The following KLHL4 variants were observed in gnomAD, a reference collection of about 807,000 sequenced individuals.
The protein encoded by KLHL4 is kelch like family member 4.
Under a neutral mutation model 45.8 loss-of-function variants are expected in KLHL4, and 17 were observed. The observed-to-expected ratio is 0.37, with a 90% confidence interval of 0.25 to 0.56. KLHL4 has a LOEUF of 0.56. Among genes scored for constraint, KLHL4 ranks in the 20% least tolerant of loss-of-function variants. The pLI, the probability that KLHL4 is intolerant of heterozygous loss-of-function variation, is 0.79. For synonymous variants in KLHL4, 224 were observed against 189.9 expected (o/e 1.18, Z -1.47); for missense variants, 544 against 544.9 (o/e 1.00, Z 0.02).
At chrX:87,586,512 A>G (rs1034605216) in intron 1 of KLHL4, among the ~76,000 whole-genome samples, 5 of 111,538 alleles carry the variant, frequency 4.5e-5, no homozygotes, top group Non-Finnish European at 7.6e-5. Flanking sequence ...ATTAAACAAT[A>G]TGTCCCTGAA....
At chrX:87,624,506 T>C (rs1014315261) in intron 5 of KLHL4, among the ~76,000 whole-genome samples, 6 of 111,612 alleles carry the variant, frequency 5.4e-5, no homozygotes, top group Admixed American at 1.9e-4. Flanking sequence ...ATCCATCAGA[T>C]ATCACAGGTG....
chrX:87,611,984 A>G lies in KLHL4; in HGVS notation c.423-1893A>G, dbSNP rs151104570. Among the ~76,000 whole-genome samples, 49 of 112,246 alleles carry G rather than the reference A, an allele frequency of 4.4e-4. No individual in the cohort carries two copies. In the Admixed American group the frequency reaches 4.6e-3, roughly 10 times the overall value. On this transcript the variant is annotated intron_variant, in intron 1 of 10. Transcript: ENST00000373119. ...AAAAATAGAAAAAAGCTTTTAGAAT[A>G]AGGATATAAGAAAATGTTTTTTACA...
intron 9 of KLHL4, among the ~76,000 whole-genome samples, chrX:87,644,675 C>CA (rs1923572546): frequency 8.9e-6 from 1 of 111,762 alleles, no homozygotes; most frequent in South Asian, 3.7e-4. Context: ...CCATAGTCAC[C>CA]AAAACATCAT....
intron 1 of KLHL4, among the ~76,000 whole-genome samples, chrX:87,602,187 A>G (rs1922040922): frequency 9.0e-6 from 1 of 111,693 alleles, no homozygotes; most frequent in Non-Finnish European, 1.9e-5. Context: ...CATAAAAATT[A>G]TCTTTCTTCA....
chrX:87,655,618 G>C (rs552486471), intron 9 of KLHL4, among the ~76,000 whole-genome samples: 2 of 110,347 alleles, frequency 1.8e-5, no homozygotes, highest in African/African-American at 6.6e-5. Context: ...GTGTATGGTC[G>C]GATCCTTTTT....
chrX:87,601,845 A>T (rs930517378), intron 1 of KLHL4, among the ~76,000 whole-genome samples: 1 of 111,129 alleles, frequency 9.0e-6, no homozygotes, highest in Non-Finnish European at 1.9e-5. Context: ...GCTTTATGTT[A>T]TTCTTATAGA....
intron 1 of KLHL4, among the ~76,000 whole-genome samples, chrX:87,581,101 T>C (rs976783853): frequency 7.1e-5 from 8 of 112,533 alleles, no homozygotes; most frequent in Admixed American, 4.7e-4. Context: ...TGTCAAGGCA[T>C]GGCCAGACTG....
intron 9 of KLHL4, among the ~76,000 whole-genome samples, chrX:87,645,282 C>T (rs778547221): frequency 9.0e-6 from 1 of 111,554 alleles, no homozygotes; most frequent in East Asian, 2.8e-4. Context: ...TACAAATGGC[C>T]AATAAACATG....
At chrX:87,590,328 T>C (rs72634511) in intron 1 of KLHL4, among the ~76,000 whole-genome samples, 20,016 of 109,927 alleles carry the variant, frequency 0.18, 1,463 homozygotes, top group East Asian at 0.25. Flanking sequence ...GATATAATCC[T>C]GATGAAAAAA....
chrX:87,665,010 T>C, intron 10 of KLHL4, 75 bp downstream of exon 10: 2 of 661,182 alleles, frequency 3.0e-6, no homozygotes, highest in Middle Eastern at 4.6e-4. Flanking sequence ...TTTTTGAAAT[T>C]AGTTGTATTC....
At chrX:87,641,607 C>A (rs981738289) in intron 9 of KLHL4, among the ~76,000 whole-genome samples, 3 of 111,564 alleles carry the variant, frequency 2.7e-5, no homozygotes, top group Non-Finnish European at 3.8e-5. Context: ...GAACCAAGCC[C>A]TTTTCTTTTG....
chrX:87,606,156 C>T (rs746780517), intron 1 of KLHL4, among the ~76,000 whole-genome samples: 3 of 111,345 alleles, frequency 2.7e-5, no homozygotes, highest in South Asian at 7.4e-4. Flanking sequence ...ATTTTTCCAT[C>T]TATGTTCAAG....
At chrX:87,558,247 C>A (rs1932021075) in intron 1 of KLHL4, among the ~76,000 whole-genome samples, 1 of 110,913 alleles carries the variant, frequency 9.0e-6, no homozygotes, top group Non-Finnish European at 1.9e-5. Context: ...GCTGTTGTGA[C>A]TGGAGTGATC....
intron 3 of KLHL4, among the ~76,000 whole-genome samples, chrX:87,616,251 T>C (rs1309943544): frequency 4.5e-5 from 5 of 111,246 alleles, no homozygotes; most frequent in Non-Finnish European, 9.5e-5. Context: ...CAGATGGGTT[T>C]TATGTAACTC....
chrX:87,617,592 G>A (rs1376390302), intron 3 of KLHL4, among the ~76,000 whole-genome samples: 2 of 111,704 alleles, frequency 1.8e-5, no homozygotes, highest in African/African-American at 3.2e-5. Context: ...GGTGTACAAC[G>A]TAATATTCTC....
At chrX:87,649,501 A>G (rs946409232) in intron 9 of KLHL4, among the ~76,000 whole-genome samples, 5 of 111,513 alleles carry the variant, frequency 4.5e-5, no homozygotes, top group African/African-American at 1.6e-4. Flanking sequence ...ATGTCTTCTG[A>G]TGCACAAATA....
At chrX:87,533,722 A>T (rs1185492149) in intron 1 of KLHL4, among the ~76,000 whole-genome samples, 1 of 110,945 alleles carries the variant, frequency 9.0e-6, no homozygotes, top group Non-Finnish European at 1.9e-5. Flanking sequence ...AAATAAAATA[A>T]AAATTCATCT....
At chrX:87,614,267 A>T (rs763161758) in intron 2 of KLHL4, among the ~76,000 whole-genome samples, 167 bp from the exon 3 acceptor site, 15 of 111,845 alleles carry the variant, frequency 1.3e-4, no homozygotes, top group Non-Finnish European at 2.6e-4. Context: ...TCTAAAAAAG[A>T]TCAGTTTATG....
rs752187932 is a variant in KLHL4 at position 87,612,161 on chromosome X, T to C, written c.423-1716T>C. 1.9e-4 allele frequency among the ~76,000 whole-genome samples: 21 copies of C among 111,861 alleles called. No homozygotes were observed. In the South Asian group the frequency reaches 6.0e-3, roughly 32 times the overall value. ...TAGTGCAGCCTAGATGTACAGTGTT[T>C]ATACATTCCACAGTAATGTACAGAA... is the stretch of plus-strand genomic sequence containing the variant. On this transcript the variant is annotated intron_variant, in intron 1 of 10. Coordinates refer to ENST00000373119, the MANE Select transcript of KLHL4 (RefSeq NM_019117.5).
Sources: gnomAD v4.1 joint callset for allele counts (sites outside exome capture counted in the v4.1 genomes callset) on GRCh38, gnomAD v4.1.1 for gene constraint, MANE v1.5 for transcripts, NCBI Gene and HGNC (gene_info 2026-07-23, HGNC 2026-07-21) for gene names.